Variants in GSS observed in about 807,000 individuals in gnomAD.
GSS encodes the protein glutathione synthetase, also known as GSH synthetase.
GSS carries 34 observed loss-of-function variants against 60.4 expected under a neutral mutation model. That is an observed-to-expected ratio of 0.56 (90% CI 0.43 to 0.75). The LOEUF (loss-of-function observed/expected upper bound fraction) is 0.75, where lower values mean the gene tolerates loss of function less well. Ranked by LOEUF, GSS falls within the 30% of genes least tolerant of loss-of-function variation. GSS has a pLI of 0.00. For synonymous variants in GSS, 224 were observed against 239.0 expected (o/e 0.94, Z 0.58); for missense variants, 499 against 595.1 (o/e 0.84, Z 1.68).
intron 9 of GSS, 72 bp downstream of exon 9, chr20:34,935,504 G>A: frequency 9.8e-7 from 1 of 1,015,492 alleles, no homozygotes; most frequent in Non-Finnish European, 1.6e-6. Context: ...GTTGTTATAA[G>A]CCTGAATTGG....
chr20:34,939,342 A>G (rs997955910), intron 6 of GSS, among the ~76,000 whole-genome samples: 2 of 152,222 alleles, frequency 1.3e-5, no homozygotes, highest in Non-Finnish European at 2.9e-5. Context: ...CACAGGCCCT[A>G]TGCTTTGAGA....
intron 3 of GSS, among the ~76,000 whole-genome samples, chr20:34,944,028 G>C (rs2081503843): frequency 6.6e-6 from 1 of 152,306 alleles, no homozygotes; most frequent in African/African-American, 2.4e-5. Context: ...GACCAGTGGG[G>C]GGAAGCCAAG....
chr20:34,939,305 C>A (rs962592977), intron 6 of GSS, among the ~76,000 whole-genome samples: 10 of 152,236 alleles, frequency 6.6e-5, no homozygotes, highest in East Asian at 1.9e-4. Flanking sequence ...ACCAGTAGTC[C>A]CCTTTTCTTA....
At position 34,946,296 on chromosome 20, in the gene GSS, C is replaced by G. The variant is rs532715733; in HGVS notation, c.130-198G>C. Among the ~76,000 whole-genome samples, 3 of 152,048 alleles carry G rather than the reference C, an allele frequency of 2.0e-5. No individual in the cohort carries two copies. The East Asian group carries it at 5.8e-4, about 29-fold the overall frequency. On this transcript the variant is annotated intron_variant, in intron 2 of 12. Coordinates refer to ENST00000651619, the MANE Select transcript of GSS (RefSeq NM_000178.4). ...CAGATTCTGTGATAGTTTATCTCTA[C>G]GTATTGAAGAGAGAGAAGCAAAAAA...
chr20:34,928,613 C>T lies in GSS; in HGVS notation c.*215G>A. Reference sequence around the variant, plus strand: ...GACCTTTACCTCAGAGCAGCTTACCCTGAGCTATACCCACATCTCAAGGAT... The same window carrying T: ...GACCTTTACCTCAGAGCAGCTTACCTTGAGCTATACCCACATCTCAAGGAT... On this transcript the variant is annotated 3_prime_UTR_variant, in exon 13 of 13. Coordinates refer to ENST00000651619, the MANE Select transcript of GSS (RefSeq NM_000178.4). 1 of 625,878 alleles carries T rather than the reference C, an allele frequency of 1.6e-6. No homozygotes were observed. The highest frequency in any genetic ancestry group is 2.4e-5 in the Admixed American group (1 of 42,076). 38.8% of individuals were successfully genotyped at this position (625,878 alleles called of 1,614,324 possible).
At chr20:34,935,698 G>T in intron 8 of GSS, 56 bp from the exon 9 acceptor site, 3 of 1,331,348 alleles carry the variant, frequency 2.3e-6, no homozygotes, top group African/African-American at 1.4e-5. Context: ...TTTGTTCAGT[G>T]GTTCAATCTA....
chr20:34,934,836 G>C (rs920158281), intron 9 of GSS, among the ~76,000 whole-genome samples: 6 of 152,176 alleles, frequency 3.9e-5, no homozygotes, highest in African/African-American at 1.4e-4. Context: ...ATCACACAGA[G>C]GCAGTCAAGC....
chr20:34,953,623 T>TC (rs1423596629), intron 1 of GSS, among the ~76,000 whole-genome samples: 36 of 148,796 alleles, frequency 2.4e-4, no homozygotes, highest in African/African-American at 8.3e-4. Flanking sequence ...TTTCTTTCTT[T>TC]TTTTTTTTTT....
At chr20:34,946,520 G>A in intron 2 of GSS, 1 of 156,690 alleles carries the variant, frequency 6.4e-6, no homozygotes, top group Admixed American at 6.1e-5. Flanking sequence ...AACTGGTGCT[G>A]GGATTTGAAC....
In GSS at chr20:34,928,539, C is replaced by A; in HGVS notation, c.*289G>T. 1 of 510,654 alleles carries A rather than the reference C, an allele frequency of 2.0e-6. No homozygotes were observed. The highest frequency in any genetic ancestry group is 3.6e-6 in the Non-Finnish European group (1 of 280,528). The allele number at this position is 510,654 out of a possible 1,614,324, so 31.6% of individuals were successfully genotyped here. Reference sequence around the variant, plus strand: ...CCTATCCCAAGTCAGGCACTGGAACCTGCTGAAAAGGCTGATGAGGGGCTG... The same window carrying A: ...CCTATCCCAAGTCAGGCACTGGAACATGCTGAAAAGGCTGATGAGGGGCTG... On this transcript the variant is annotated 3_prime_UTR_variant, in exon 13 of 13. Transcript: ENST00000651619.
At chr20:34,948,113 T>G (rs1569016806) in intron 2 of GSS, among the ~76,000 whole-genome samples, 1 of 152,134 alleles carries the variant, frequency 6.6e-6, no homozygotes. Context: ...TGTGTACCAC[T>G]GCCCTGGCCT....
At chr20:34,935,314 A>T (rs1324341644) in intron 9 of GSS, among the ~76,000 whole-genome samples, 1 of 152,248 alleles carries the variant, frequency 6.6e-6, no homozygotes. Flanking sequence ...GATTGTTGTT[A>T]AACATTTGCC....
At chr20:34,935,225 T>A (rs1161245748) in intron 9 of GSS, among the ~76,000 whole-genome samples, 1 of 152,094 alleles carries the variant, frequency 6.6e-6, no homozygotes, top group African/African-American at 2.4e-5. Flanking sequence ...CTGATTCAGA[T>A]AAAGGAAAGG....
At chr20:34,936,376 C>T (rs36021884) in intron 8 of GSS, among the ~76,000 whole-genome samples, 1 of 152,184 alleles carries the variant, frequency 6.6e-6, no homozygotes, top group Non-Finnish European at 1.5e-5. Flanking sequence ...TGGCTTGGAA[C>T]ACAAATCCAG....
chr20:34,935,795 A>G (rs1051776898), intron 8 of GSS, among the ~76,000 whole-genome samples, 153 bp from the exon 9 acceptor site: 3 of 152,210 alleles, frequency 2.0e-5, no homozygotes, highest in Non-Finnish European at 4.4e-5. Context: ...AACCAGTGAA[A>G]GTAGATATCC....
intron 1 of GSS, among the ~76,000 whole-genome samples, chr20:34,953,487 C>A (rs1030386853): frequency 1.4e-4 from 22 of 152,146 alleles, no homozygotes; most frequent in African/African-American, 4.8e-4. Context: ...GGGTTTGAGT[C>A]CATAATAATA....
chr20:34,945,108 C>A (rs1330172700), intron 3 of GSS, among the ~76,000 whole-genome samples: 1 of 151,428 alleles, frequency 6.6e-6, no homozygotes, highest in East Asian at 1.9e-4. Flanking sequence ...GCAGCCTCTG[C>A]CTCCTGGGTT....
chr20:34,928,492 C>G lies in GSS; in HGVS notation c.*336G>C. Reference sequence around the variant, plus strand: ...TAGGGAAAGGCTATGCCCCTCCACTCCCCCTCCTCCTACCACTCAGTCCTA... The same window carrying G: ...TAGGGAAAGGCTATGCCCCTCCACTGCCCCTCCTCCTACCACTCAGTCCTA... On this transcript the variant is annotated 3_prime_UTR_variant, in exon 13 of 13. Transcript: ENST00000651619. 2.3e-6 allele frequency: 1 copy of G among 434,460 alleles called. No individual in the cohort carries two copies. Among genetic ancestry groups the G allele is most frequent in the South Asian group, 2.4e-5 (1 of 41,478 alleles). The allele number at this position is 434,460 out of a possible 1,614,324, so 26.9% of individuals were successfully genotyped here.
In GSS at chr20:34,955,778, A is replaced by C. The variant is rs1028995425; in HGVS notation, c.-60T>G. On this transcript the variant is annotated 5_prime_UTR_variant, in exon 1 of 13. Coordinates refer to ENST00000651619, the MANE Select transcript of GSS (RefSeq NM_000178.4). Reference sequence around the variant, plus strand: ...TCTCCCGGCCCTCGCGCCGCTACCCAGGCTCAGGGGGCGGGGCCTCGATGC... The same window carrying C: ...TCTCCCGGCCCTCGCGCCGCTACCCCGGCTCAGGGGGCGGGGCCTCGATGC... 3 of 152,150 alleles carry C rather than the reference A, an allele frequency of 2.0e-5. No individual in the cohort carries two copies. In the South Asian group the frequency reaches 6.2e-4, roughly 31 times the overall value. 9.4% of individuals were successfully genotyped at this position (152,150 alleles called of 1,614,324 possible).
Sources: allele counts gnomAD v4.1 joint callset (sites outside exome capture counted in the v4.1 genomes callset), GRCh38; gene constraint gnomAD v4.1.1; transcripts MANE v1.5; gene names NCBI Gene and HGNC (gene_info 2026-07-23, HGNC 2026-07-21).